Variants in ZFHX3 observed in about 807,000 individuals in gnomAD.
The protein encoded by ZFHX3 is zinc finger homeobox 3.
A neutral mutation model predicts 279.1 loss-of-function variants in ZFHX3; 42 were observed. That is an observed-to-expected ratio of 0.15 (90% CI 0.12 to 0.19). ZFHX3 has a LOEUF of 0.19. Ranked by LOEUF, ZFHX3 falls within the 10% of genes least tolerant of loss-of-function variation. ZFHX3 has a pLI of 1.00. For missense variants in ZFHX3, 4,981 were observed against 4,754.0 expected (o/e 1.05, Z -1.40); for synonymous variants, 2,293 against 1,957.8 (o/e 1.17, Z -4.52).
At chr16:73,387,400 G>A (rs1415636882) in intron 3 of ZFHX3, 1 of 152,078 alleles carries the variant, frequency 6.6e-6, no homozygotes, top group Admixed American at 6.5e-5. Context: ...CAGACATTAG[G>A]CTTCTTATAA....
In ZFHX3 at chr16:72,784,190, G is replaced by A. The variant is rs1268948167; in HGVS notation, c.*2974C>T. 6.6e-6 allele frequency: 1 copy of A among 152,332 alleles called. No homozygotes were observed. The highest frequency in any genetic ancestry group is 2.4e-5 in the African/African-American group (1 of 41,300). 9.4% of individuals were successfully genotyped at this position (152,332 alleles called of 1,614,324 possible). A position where few individuals can be genotyped will look rare whatever the true frequency, so the allele number is the denominator to read the frequency against. Reference sequence around the variant, plus strand: ...GCCAAACACCCACAGCTCAAGGCATGGCATAACAAAACACTGACAGTCACT... The same window carrying A: ...GCCAAACACCCACAGCTCAAGGCATAGCATAACAAAACACTGACAGTCACT... On this transcript the variant is annotated 3_prime_UTR_variant, in exon 10 of 10. Coordinates refer to ENST00000268489, the MANE Select transcript of ZFHX3 (RefSeq NM_006885.4).
upstream of ZFHX3, among the ~76,000 whole-genome samples, chr16:73,052,277 C>T (rs1038567720): frequency 2.0e-5 from 3 of 150,998 alleles, no homozygotes; most frequent in African/African-American, 7.3e-5. Flanking sequence ...CACTTTCACA[C>T]GTGAGTTAAA....
At chr16:73,127,629 C>A in intron 7 of ZFHX3, 1 of 1,271,378 alleles carries the variant, frequency 7.9e-7, no homozygotes, top group Non-Finnish European at 1.0e-6. Flanking sequence ...GAACAGGGTG[C>A]AGACTGGATG....
At chr16:73,437,188 T>G (rs2018013011) in intron 3 of ZFHX3, among the ~76,000 whole-genome samples, 1 of 152,160 alleles carries the variant, frequency 6.6e-6, no homozygotes, top group Non-Finnish European at 1.5e-5. Flanking sequence ...AAACCGCAAT[T>G]GCTTTTGCAC....
intron 1 of ZFHX3, among the ~76,000 whole-genome samples, chr16:72,991,190 A>G (rs1567622008): frequency 6.6e-6 from 1 of 152,210 alleles, no homozygotes; most frequent in African/African-American, 2.4e-5. Flanking sequence ...CATAACTGTC[A>G]TTACAGGATA....
intron 5 of ZFHX3, among the ~76,000 whole-genome samples, chr16:73,226,737 AT>A (rs1021300685): frequency 6.6e-6 from 1 of 152,002 alleles, no homozygotes; most frequent in Non-Finnish European, 1.5e-5. Flanking sequence ...AATCTTACAT[AT>A]TTTTTTCTCA....
chr16:72,904,853 T>G (rs1002402327), intron 3 of ZFHX3, among the ~76,000 whole-genome samples: 3 of 152,096 alleles, frequency 2.0e-5, no homozygotes, highest in Non-Finnish European at 2.9e-5. Flanking sequence ...CTTTCTGAGA[T>G]GGGAGTCTCA....
intron 1 of ZFHX3, among the ~76,000 whole-genome samples, chr16:73,693,402 A>G (rs915327944): frequency 6.6e-6 from 1 of 152,066 alleles, no homozygotes; most frequent in East Asian, 1.9e-4. Flanking sequence ...GCTGTTTATT[A>G]TTTATAGAAG....
rs904237951 is a variant in ZFHX3, at chr16:72,785,778, T to C, written c.*1386A>G. The C allele has an allele frequency of 2.0e-5, 3 of 151,346 alleles. No individual in the cohort carries two copies. Among genetic ancestry groups the C allele is most frequent in the Admixed American group, 6.6e-5 (1 of 15,218 alleles). 9.4% of individuals were successfully genotyped at this position (151,346 alleles called of 1,614,324 possible). ...CTTTAGTATAGAAAAAAAAAGAATATTTGAAGCTCCTACCAAACAAGGAGG... is the reference window on the plus strand; with the variant it reads ...CTTTAGTATAGAAAAAAAAAGAATACTTGAAGCTCCTACCAAACAAGGAGG... On this transcript the variant is annotated 3_prime_UTR_variant, in exon 10 of 10. Transcript: ENST00000268489.
intron 3 of ZFHX3, among the ~76,000 whole-genome samples, chr16:73,452,808 C>T (rs765669484): frequency 6.6e-5 from 10 of 152,234 alleles, no homozygotes; most frequent in Non-Finnish European, 1.2e-4. Context: ...TCATTTGGTA[C>T]TGAAGTTATT....
chr16:73,479,190 AAG>A (rs1429872890), intron 2 of ZFHX3, among the ~76,000 whole-genome samples: 1 of 152,200 alleles, frequency 6.6e-6, no homozygotes, highest in African/African-American at 2.4e-5. Context: ...CCACCTGTTC[AAG>A]AGAGATGTTC....
intron 1 of ZFHX3, among the ~76,000 whole-genome samples, chr16:72,999,170 GA>G (rs1490487192): frequency 1.3e-5 from 2 of 152,110 alleles, no homozygotes; most frequent in Non-Finnish European, 2.9e-5. Context: ...TTTGTTTTGA[GA>G]CAAAGTCCCG....
chr16:73,382,888 C>T (rs1234117435), intron 3 of ZFHX3, among the ~76,000 whole-genome samples: 1 of 152,170 alleles, frequency 6.6e-6, no homozygotes, highest in African/African-American at 2.4e-5. Flanking sequence ...CTTATCCACA[C>T]CTCAGTGCTG....
At chr16:73,883,596 A>G (rs1161441346) in intron 1 of ZFHX3, among the ~76,000 whole-genome samples, 1 of 152,046 alleles carries the variant, frequency 6.6e-6, no homozygotes, top group Non-Finnish European at 1.5e-5. Flanking sequence ...CGTGTACAAA[A>G]ATACATCTGC....
At chr16:73,819,081 G>GT in intron 1 of ZFHX3, among the ~76,000 whole-genome samples, 1 of 152,180 alleles carries the variant, frequency 6.6e-6, no homozygotes, top group African/African-American at 2.4e-5. Flanking sequence ...GGGCACTGAG[G>GT]TCAATGGTAC....
chr16:73,038,388 A>C (rs1964989704), intron 1 of ZFHX3, among the ~76,000 whole-genome samples: 1 of 152,004 alleles, frequency 6.6e-6, no homozygotes, highest in Non-Finnish European at 1.5e-5. Context: ...TTCAGAGAAT[A>C]AACAGAAGAA....
At chr16:73,746,168 G>A (rs1424164393) in intron 1 of ZFHX3, among the ~76,000 whole-genome samples, 1 of 152,090 alleles carries the variant, frequency 6.6e-6, no homozygotes, top group Non-Finnish European at 1.5e-5. Flanking sequence ...TTTGATTATT[G>A]CATCAATCCT....
chr16:73,716,637 ACACACACACACACGCATG>A (rs757313035), intron 1 of ZFHX3, among the ~76,000 whole-genome samples: 13 of 138,744 alleles, frequency 9.4e-5, no homozygotes, highest in South Asian at 2.2e-4. Flanking sequence ...ACACACACAC[ACACACACACACACGCATG>A]CACGCACGCA....
chr16:73,115,231 T>G lies in ZFHX3; in HGVS notation c.-897+15737A>C, dbSNP rs555010546. The stretch of plus-strand genomic sequence containing the variant: ...AGTCCGACTCCAGGGATCCAAGGTC[T>G]ACCACTGCCCCAAGATTACGGGGTC... On this transcript the variant is annotated intron_variant, in intron 7 of 17. Transcript: ENST00000641206. Among the ~76,000 whole-genome samples the G allele has an allele frequency of 6.6e-5, 10 of 152,018 alleles. No individual in the cohort carries two copies. The South Asian group carries it at 1.9e-3, about 28-fold the overall frequency.
Sources: allele counts gnomAD v4.1 joint callset (sites outside exome capture counted in the v4.1 genomes callset), GRCh38; gene constraint gnomAD v4.1.1; transcripts MANE v1.5; gene names NCBI Gene and HGNC (gene_info 2026-07-23, HGNC 2026-07-21).